OSBPL7: variants seen among roughly 807,000 people sequenced by gnomAD.
The protein encoded by OSBPL7 is oxysterol binding protein like 7.
A neutral mutation model predicts 115.8 loss-of-function variants in OSBPL7; 66 were observed. The observed-to-expected ratio is 0.57, with a 90% CI of 0.47 to 0.70. The LOEUF is 0.70. Ranked by LOEUF, OSBPL7 falls within the 30% of genes least tolerant of loss-of-function variation. The probability of loss-of-function intolerance (pLI) is 0.00; values close to 1 mark genes in which losing one functional copy is unlikely to be tolerated. For synonymous variants in OSBPL7, 441 were observed against 439.2 expected (o/e 1.00, Z -0.05); for missense variants, 902 against 1,125.5 (o/e 0.80, Z 2.84).
Position 47,813,798 on chromosome 17 carries a change from C to T in OSBPL7, c.1388G>A (p.Arg463His), listed in dbSNP as rs761499823. The T allele has an allele frequency of 1.3e-5, 21 of 1,612,060 alleles. No homozygotes were observed. Among genetic ancestry groups the T allele is most frequent in the South Asian group, 6.6e-5 (6 of 91,002 alleles). The change falls in exon 15 of 23, where the codon CGC becomes CAC. Residue 463 changes from arginine to histidine, a missense_variant. Arg to His is a conservative substitution (Grantham distance 29, BLOSUM62 0). This residue lies in a region of OSBPL7 where 667 missense variants were observed against 788.7 expected (regional missense o/e 0.85). Coordinates refer to ENST00000007414, the MANE Select transcript of OSBPL7 (RefSeq NM_145798.3). Reference sequence around the variant, plus strand: ...GCTGGCCGCCGGCAGGCAGCGACGGCGGGGTGGCCCCATGGGTCTCCCTGG... The same window carrying T: ...GCTGGCCGCCGGCAGGCAGCGACGGTGGGGTGGCCCCATGGGTCTCCCTGG... Reference protein sequence around the residue: ...CVPGRPMGPPRRRCLPAASGP... With the variant: ...CVPGRPMGPPHRRCLPAASGP...
At chr17:47,815,380 G>C (rs751566810) in intron 12 of OSBPL7, 28 bp from the exon 13 acceptor site, 2 of 1,612,194 alleles carry the variant, frequency 1.2e-6, no homozygotes, top group South Asian at 1.1e-5. Flanking sequence ...TGGATGTCAG[G>C]CTCCGGGGCC....
chr17:47,814,036 G>A (rs889756987), intron 14 of OSBPL7, among the ~76,000 whole-genome samples: 1 of 152,204 alleles, frequency 6.6e-6, no homozygotes, highest in Non-Finnish European at 1.5e-5. Context: ...GGCTGGCAGG[G>A]GTGGGAGCCA....
intron 20 of OSBPL7, 31 bp from the exon 21 acceptor site, chr17:47,809,021 C>A (rs763759477): frequency 6.2e-7 from 1 of 1,613,728 alleles, no homozygotes; most frequent in Admixed American, 1.7e-5. Flanking sequence ...GGGGCAGGTG[C>A]ACCATGCCTG....
intron 4 of OSBPL7, 185 bp from the exon 5 acceptor site, chr17:47,819,284 T>C (rs2033325002): frequency 1.7e-6 from 1 of 589,960 alleles, no homozygotes; most frequent in East Asian, 2.9e-5. Context: ...CTCCCCTACG[T>C]CAAGTCACAT....
rs948559075 is a variant in OSBPL7, at chr17:47,809,584, C to A, written c.1881-106G>T. 1.2e-5 allele frequency: 16 copies of A among 1,310,486 alleles called. No homozygotes were observed. The Admixed American group carries it at 2.4e-4, about 20-fold the overall frequency. The allele number at this position is 1,310,486 out of a possible 1,614,324, so 81.2% of individuals were successfully genotyped here. A position where few individuals can be genotyped will look rare whatever the true frequency, so the allele number is the denominator to read the frequency against. ...AGGTCATGTGGGCCTGTGACAGGAA[C>A]CCTGGGGTCCCAACTCCAGTTCTGC... On this transcript the variant is annotated intron_variant, in intron 18 of 22. Coordinates refer to ENST00000007414, the MANE Select transcript of OSBPL7 (RefSeq NM_145798.3).
At position 47,809,066 on chromosome 17, in the gene OSBPL7, C is replaced by T. The variant is rs1235926709; in HGVS notation, c.2170+10G>A. On this transcript the variant is annotated intron_variant, in intron 20 of 22. Coordinates refer to ENST00000007414, the MANE Select transcript of OSBPL7 (RefSeq NM_145798.3). ...AGCCTCACCCAGCCCTCTGTGACCC[C>T]TCCACTTACTGGGTTTCCAGATGCA... 3 of 1,613,828 alleles carry T rather than the reference C, an allele frequency of 1.9e-6. No individual in the cohort carries two copies. The highest frequency in any genetic ancestry group is 1.7e-5 in the Admixed American group (1 of 60,018).
In OSBPL7 at chr17:47,818,982, T is replaced by G; in HGVS notation, c.369+4A>C. On this transcript the variant is annotated splice_donor_region_variant and intron_variant, in intron 5 of 22. Transcript: ENST00000007414. ...ACACACGTCCTGCCTCCCAGGGATGTCACCTTGAGGTGGTAGATGTTGTCT... is the reference window on the plus strand; with the variant it reads ...ACACACGTCCTGCCTCCCAGGGATGGCACCTTGAGGTGGTAGATGTTGTCT... 16 of 1,613,142 alleles carry G rather than the reference T, an allele frequency of 9.9e-6. No homozygotes were observed. Among genetic ancestry groups the G allele is most frequent in the Non-Finnish European group, 1.4e-5 (16 of 1,179,098 alleles).
At position 47,814,443 on chromosome 17, in the gene OSBPL7, G is replaced by A. The variant is rs2033146455; in HGVS notation, c.1351+78C>T. The A allele has an allele frequency of 2.9e-6, 4 of 1,380,466 alleles. No homozygotes were observed. In the East Asian group the frequency reaches 9.2e-5, roughly 32 times the overall value. 85.5% of individuals were successfully genotyped at this position (1,380,466 alleles called of 1,614,324 possible). ...TCAGTCACCACAAGGGATGGCCTTT[G>A]CATGGGCCTGGGCCATGGACAAACC... On this transcript the variant is annotated intron_variant, in intron 14 of 22. Transcript: ENST00000007414.
At position 47,820,359 on chromosome 17, in the gene OSBPL7, C is replaced by T. The variant is rs1271769403; in HGVS notation, c.-81G>A. 1.5e-5 allele frequency: 21 copies of T among 1,400,918 alleles called. No individual in the cohort carries two copies. Among genetic ancestry groups the T allele is most frequent in the South Asian group, 2.7e-5 (2 of 75,398 alleles). 86.8% of individuals were successfully genotyped at this position (1,400,918 alleles called of 1,614,324 possible). On this transcript the variant is annotated 5_prime_UTR_variant, in exon 2 of 23. Transcript: ENST00000007414. The stretch of plus-strand genomic sequence containing the variant: ...GGGGAAGGATGTCACCTGCTCCTGA[C>T]GGGGTCCTTGAAGCAAGAGAAAGAC...
At chr17:47,815,126 T>G (rs1021920934) in intron 13 of OSBPL7, 89 bp downstream of exon 13, 77 of 1,499,350 alleles carry the variant, frequency 5.1e-5, no homozygotes, top group Non-Finnish European at 6.6e-5. Flanking sequence ...GAGAAGGGGC[T>G]GAGGAATCTA....
At chr17:47,811,202 C>T (rs1406230718) in intron 16 of OSBPL7, among the ~76,000 whole-genome samples, 5 of 151,936 alleles carry the variant, frequency 3.3e-5, no homozygotes, top group South Asian at 2.1e-4. Flanking sequence ...CATCTCCCCC[C>T]ACCCCACCCC....
chr17:47,816,389 C>G lies in OSBPL7; in HGVS notation c.1022G>C (p.Gly341Ala). 1.3e-6 allele frequency: 2 copies of G among 1,510,330 alleles called. No homozygotes were observed. The highest frequency in any genetic ancestry group is 1.8e-6 in the Non-Finnish European group (2 of 1,126,686). The allele number at this position is 1,510,330 out of a possible 1,614,324, so 93.6% of individuals were successfully genotyped here. The change falls in exon 11 of 23, where the codon GGG (glycine) becomes GCG (alanine). Residue 341 changes from glycine to alanine, a missense_variant and splice_region_variant. By Grantham distance (60) the Gly-to-Ala change is moderately conservative (BLOSUM62 0). This residue lies in a region of OSBPL7 where 667 missense variants were observed against 788.7 expected (regional missense o/e 0.85). Coordinates refer to ENST00000007414, the MANE Select transcript of OSBPL7 (RefSeq NM_145798.3). The surrounding 1 kb of genome is among the most constrained non-coding windows in gnomAD (Gnocchi z 5.8). ...GTCACCCTGTCCCCCAGGCCTCACC[C>G]CCATTCTTGACAACTCTGAGCCCTG... The part of the protein sequence containing the change: ...MHQGSELSRM[G>A]VSEASTGQRR...
rs1343096610 is a variant in OSBPL7 at position 47,820,313 on chromosome 17, A to T, written c.-35T>A. On this transcript the variant is annotated 5_prime_UTR_variant, in exon 2 of 23. Transcript: ENST00000007414. ...AGAGGCCACTCCCTGCTGGGGATGT[A>T]GAGCAGGGAGCAGGGTGGAAGGGGA... The T allele has an allele frequency of 2.5e-6, 4 of 1,600,384 alleles. No individual in the cohort carries two copies. The highest frequency in any genetic ancestry group is 3.4e-6 in the Non-Finnish European group (4 of 1,171,232).
chr17:47,817,219 G>A (rs1598023583), intron 8 of OSBPL7, 37 bp downstream of exon 8: 1 of 1,479,336 alleles, frequency 6.8e-7, no homozygotes, highest in East Asian at 2.3e-5. Context: ...GGGATCGGGG[G>A]CCTGAGCAGG....
intron 16 of OSBPL7, among the ~76,000 whole-genome samples, chr17:47,811,741 A>G (rs2033049012): frequency 6.6e-6 from 1 of 152,110 alleles, no homozygotes; most frequent in Non-Finnish European, 1.5e-5. Flanking sequence ...GCTCCCACTG[A>G]TGCCCCCCAG....
chr17:47,818,404 G>C lies in OSBPL7; in HGVS notation c.481-18C>G. The C allele has an allele frequency of 6.2e-7, 1 of 1,609,254 alleles. No homozygotes were observed. Among genetic ancestry groups the C allele is most frequent in the South Asian group, 1.1e-5 (1 of 90,610 alleles). Reference sequence around the variant, plus strand: ...CCAGGAACCTGTGGGGTGAGCCCAGGGTCAGGAAGGATGATGCCCACCTCC... The same window carrying C: ...CCAGGAACCTGTGGGGTGAGCCCAGCGTCAGGAAGGATGATGCCCACCTCC... On this transcript the variant is annotated intron_variant, in intron 6 of 22. Coordinates refer to ENST00000007414, the MANE Select transcript of OSBPL7 (RefSeq NM_145798.3).
intron 16 of OSBPL7, 50 bp from the exon 17 acceptor site, chr17:47,810,885 C>G (rs2074188): frequency 0.5 from 785,746 of 1,572,964 alleles, 198,289 homozygotes; most frequent in East Asian, 0.72. Context: ...CACCATTAGG[C>G]TACCCCAAAG....
rs1439497098 is a variant in OSBPL7 at position 47,816,382 on chromosome 17, C to A, written c.1023+6G>T. On this transcript the variant is annotated splice_donor_region_variant and intron_variant, in intron 11 of 22. Coordinates refer to ENST00000007414, the MANE Select transcript of OSBPL7 (RefSeq NM_145798.3). The surrounding 1 kb of genome is among the most constrained non-coding windows in gnomAD (Gnocchi z 5.8). ...CGCACCAGTCACCCTGTCCCCCAGG[C>A]CTCACCCCCATTCTTGACAACTCTG... is the stretch of plus-strand genomic sequence containing the variant. The A allele has an allele frequency of 6.7e-7, 1 of 1,500,332 alleles. No homozygotes were observed. 92.9% of individuals were successfully genotyped at this position (1,500,332 alleles called of 1,614,324 possible).
In OSBPL7 at chr17:47,808,297, G is replaced by A. The variant is rs2032918546; in HGVS notation, c.2523C>T (p.Leu841=). The A allele has an allele frequency of 6.2e-7, 1 of 1,611,748 alleles. No homozygotes were observed. Among genetic ancestry groups the A allele is most frequent in the South Asian group, 1.1e-5 (1 of 91,016 alleles). Residue 841 remains leucine, a synonymous_variant, in exon 23 of 23, where the codon CTC becomes CTT. Transcript: ENST00000007414. The surrounding 1 kb of genome is among the most constrained non-coding windows in gnomAD (Gnocchi z 6.1). ...CCTGCCCCCGGGGCCAGGGCTACCA[G>A]AGCACGGCCCCATCCATGTTCCCAT... The part of the protein sequence containing the change: ...PGYGNMDGAV[L]W
Sources: allele counts gnomAD v4.1 joint callset (sites outside exome capture counted in the v4.1 genomes callset), GRCh38; gene constraint gnomAD v4.1.1; regional missense constraint gnomAD v4.1.1; non-coding constraint Gnocchi (gnomAD v3.1); transcripts MANE v1.5; gene names NCBI Gene and HGNC (gene_info 2026-07-23, HGNC 2026-07-21).